Variants in DYRK2 observed in about 807,000 individuals in gnomAD.
DYRK2 encodes the protein dual specificity tyrosine-phosphorylation-regulated kinase 2.
A neutral mutation model predicts 41.6 loss-of-function variants in DYRK2; 12 were observed. That is an observed-to-expected ratio of 0.29 (90% CI 0.18 to 0.47). The LOEUF (loss-of-function observed/expected upper bound fraction) is 0.47, where lower values mean the gene tolerates loss of function less well. Ranked by LOEUF, DYRK2 falls within the 20% of genes least tolerant of loss-of-function variation. The pLI is 1.00. For missense variants in DYRK2, 678 were observed against 798.4 expected, an observed-to-expected ratio of 0.85 and a Z score of 1.82; for synonymous variants, 322 against 315.7, an observed-to-expected ratio of 1.02 and a Z score of -0.21.
intron 2 of DYRK2, among the ~76,000 whole-genome samples, chr12:67,654,051 T>TA: frequency 6.6e-6 from 1 of 152,248 alleles, no homozygotes; most frequent in Non-Finnish European, 1.5e-5. Context: ...GTAACTTTGT[T>TA]ACCTTCTTTT....
At chr12:67,653,265 C>T in intron 2 of DYRK2, among the ~76,000 whole-genome samples, 1 of 152,178 alleles carries the variant, frequency 6.6e-6, no homozygotes, top group East Asian at 1.9e-4. Flanking sequence ...GTAGTCTTGA[C>T]ATACGTATTC....
rs1471584935 is a variant in DYRK2, at chr12:67,658,946, A to G, written c.*233A>G. The G allele has an allele frequency of 1.1e-5, 5 of 438,012 alleles. No homozygotes were observed. The highest frequency in any genetic ancestry group is 1.6e-5 in the Non-Finnish European group (4 of 243,978). 27.1% of individuals were successfully genotyped at this position (438,012 alleles called of 1,614,324 possible). On this transcript the variant is annotated 3_prime_UTR_variant, in exon 3 of 3. Transcript: ENST00000344096. The surrounding 1 kb of genome is among the most constrained non-coding windows in gnomAD (Gnocchi z 4.3). ...AAACTTTTTGTGTTCTAAAAGTACA[A>G]TGAGCCTTACTGTATTTAGTGTGGC...
chr12:67,664,540 T>C lies in DYRK2; in HGVS notation c.*5827T>C, dbSNP rs1307771481. 7.7e-6 allele frequency: 1 copy of C among 130,518 alleles called. No individual in the cohort carries two copies. Among genetic ancestry groups the C allele is most frequent in the Non-Finnish European group, 1.6e-5 (1 of 61,720 alleles). The allele number at this position is 130,518 out of a possible 1,614,324, so 8.1% of individuals were successfully genotyped here. On this transcript the variant is annotated 3_prime_UTR_variant, in exon 3 of 3. Coordinates refer to ENST00000344096, the MANE Select transcript of DYRK2 (RefSeq NM_006482.3). The stretch of plus-strand genomic sequence containing the variant: ...GCTATAATTATCCTCATTTGATACT[T>C]GAGGAAACTGAAGTGACTTGCTCCA...
rs1872683976 is a variant in DYRK2, at chr12:67,663,885, T to A, written c.*5172T>A. On this transcript the variant is annotated 3_prime_UTR_variant, in exon 3 of 3. Transcript: ENST00000344096. ...AATAAATATTCTTGGAACTTCGAAGTTGTCTTCAAACTAGCTCTAGAAAAT... is the reference window on the plus strand; with the variant it reads ...AATAAATATTCTTGGAACTTCGAAGATGTCTTCAAACTAGCTCTAGAAAAT... The A allele has an allele frequency of 6.6e-6, 1 of 152,166 alleles. No homozygotes were observed. 9.4% of individuals were successfully genotyped at this position (152,166 alleles called of 1,614,324 possible). A position where few individuals can be genotyped will look rare whatever the true frequency, so the allele number is the denominator to read the frequency against.
intron 2 of DYRK2, among the ~76,000 whole-genome samples, chr12:67,653,402 CAA>C (rs926733205): frequency 1.3e-5 from 2 of 152,162 alleles, no homozygotes; most frequent in Non-Finnish European, 1.5e-5. Flanking sequence ...GTTTGAGATT[CAA>C]AGTCTTCTTT....
chr12:67,648,953 C>T lies in DYRK2; in HGVS notation c.-181C>T, dbSNP rs1230798492. On this transcript the variant is annotated 5_prime_UTR_variant, in exon 1 of 3. Coordinates refer to ENST00000344096, the MANE Select transcript of DYRK2 (RefSeq NM_006482.3). Reference sequence around the variant, plus strand: ...AGAGCGGGGGGCTCGCGGCGGCGGGCCCCGGCCGAGGGGATGCAGTGGACT... The same window carrying T: ...AGAGCGGGGGGCTCGCGGCGGCGGGTCCCGGCCGAGGGGATGCAGTGGACT... 2 of 411,508 alleles carry T rather than the reference C, an allele frequency of 4.9e-6. No homozygotes were observed. The allele number at this position is 411,508 out of a possible 1,614,324, so 25.5% of individuals were successfully genotyped here.
rs1872629879 is a variant in DYRK2, at chr12:67,661,760, G to T, written c.*3047G>T. 1 of 166,766 alleles carries T rather than the reference G, an allele frequency of 6.0e-6. No individual in the cohort carries two copies. The highest frequency in any genetic ancestry group is 1.5e-5 in the Non-Finnish European group (1 of 68,074). 10.3% of individuals were successfully genotyped at this position (166,766 alleles called of 1,614,324 possible). A position where few individuals can be genotyped will look rare whatever the true frequency, so the allele number is the denominator to read the frequency against. On this transcript the variant is annotated 3_prime_UTR_variant, in exon 3 of 3. Coordinates refer to ENST00000344096, the MANE Select transcript of DYRK2 (RefSeq NM_006482.3). The stretch of plus-strand genomic sequence containing the variant: ...TCCTATATTTAAGGGGTTAAAGATG[G>T]TCTTTGTTGTATCTTAACATCAGAC...
chr12:67,650,050 A>C (rs1424691990), intron 2 of DYRK2, 105 bp downstream of exon 2: 1 of 1,168,968 alleles, frequency 8.6e-7, no homozygotes, highest in Non-Finnish European at 1.1e-6. Flanking sequence ...AGGGGTCGAG[A>C]TACAAGCAGC....
At chr12:67,655,466 T>G (rs1489230412) in intron 2 of DYRK2, among the ~76,000 whole-genome samples, 3 of 152,228 alleles carry the variant, frequency 2.0e-5, no homozygotes, top group Non-Finnish European at 4.4e-5. Flanking sequence ...TGATTCATTT[T>G]TATGGACTGC....
chr12:67,657,420 A>G lies in DYRK2; in HGVS notation c.513A>G (p.Glu171=). 6.2e-7 allele frequency: 1 copy of G among 1,614,176 alleles called. No homozygotes were observed. Among genetic ancestry groups the G allele is most frequent in the Non-Finnish European group, 8.5e-7 (1 of 1,180,032 alleles). The change falls in exon 3 of 3, where the codon GAA becomes GAG. Residue 171 remains glutamate, a synonymous_variant. Transcript: ENST00000344096. This position sits in a 1 kb window ranked among gnomAD's most constrained non-coding sequence, Gnocchi z 4.8. ...KQYMQKLTAF[E]HHEIFSYPEI... ...ACATGCAAAAACTCACAGCCTTCGA[A>G]CACCATGAGATTTTCAGCTACCCTG...
At position 67,649,143 on chromosome 12, in the gene DYRK2, A is replaced by C; in HGVS notation, c.10A>C (p.Arg4=). 1 of 1,512,560 alleles carries C rather than the reference A, an allele frequency of 6.6e-7. No individual in the cohort carries two copies. Among genetic ancestry groups the C allele is most frequent in the South Asian group, 1.2e-5 (1 of 81,522 alleles). The allele number at this position is 1,512,560 out of a possible 1,614,324, so 93.7% of individuals were successfully genotyped here. The part of the protein sequence containing the change: MLT[R]KPSAAAPAAY... ...TTCCTCTCCAGCGGCCATGTTAACC[A>C]GGAAACCTTCGGCCGCCGCTCCCGC... Residue 4 remains arginine, a synonymous_variant, in exon 1 of 3, where the codon AGG becomes CGG. Coordinates refer to ENST00000344096, the MANE Select transcript of DYRK2 (RefSeq NM_006482.3).
rs1002942701 is a variant in DYRK2, at chr12:67,664,289, C to T, written c.*5576C>T. ...TGGGGTGGGAGCATAATTGCCATTCCCATGTGTCTCAAGGAAGCTTAATGA... is the reference window on the plus strand; with the variant it reads ...TGGGGTGGGAGCATAATTGCCATTCTCATGTGTCTCAAGGAAGCTTAATGA... On this transcript the variant is annotated 3_prime_UTR_variant, in exon 3 of 3. Coordinates refer to ENST00000344096, the MANE Select transcript of DYRK2 (RefSeq NM_006482.3). 2.0e-5 allele frequency: 3 copies of T among 151,982 alleles called. No individual in the cohort carries two copies. The allele number at this position is 151,982 out of a possible 1,614,324, so 9.4% of individuals were successfully genotyped here.
rs548186577 is a variant in DYRK2 at position 67,661,001 on chromosome 12, C to T, written c.*2288C>T. The T allele has an allele frequency of 6.0e-6, 1 of 167,006 alleles. No homozygotes were observed. Among genetic ancestry groups the T allele is most frequent in the East Asian group, 1.9e-4 (1 of 5,186 alleles). 10.3% of individuals were successfully genotyped at this position (167,006 alleles called of 1,614,324 possible). On this transcript the variant is annotated 3_prime_UTR_variant, in exon 3 of 3. Transcript: ENST00000344096. ...TTTCCCCCACCGCACAAAACTGGTT[C>T]TTAAGATGCCAGCAATGAATTTGAG... is the stretch of plus-strand genomic sequence containing the variant.
At position 67,657,899 on chromosome 12, in the gene DYRK2, C is replaced by T. The variant is rs1292029023; in HGVS notation, c.992C>T (p.Ser331Leu). 28 of 1,614,106 alleles carry T rather than the reference C, an allele frequency of 1.7e-5. No homozygotes were observed. Among genetic ancestry groups the T allele is most frequent in the Non-Finnish European group, 2.3e-5 (27 of 1,180,050 alleles). Residue 331 changes from serine (S) to leucine (L), a missense_variant, in exon 3 of 3, where the codon TCG becomes TTG. Physicochemically the swap from Ser to Leu is moderately radical, Grantham distance 145. Coordinates refer to ENST00000344096, the MANE Select transcript of DYRK2 (RefSeq NM_006482.3). This position sits in a 1 kb window ranked among gnomAD's most constrained non-coding sequence, Gnocchi z 4.8. ...CCTTTGGTTCGCAAGTTTGCCCACT[C>T]GATTCTGCAGTGCTTGGATGCTTTG... ...SLPLVRKFAHSILQCLDALHK... is the reference protein window; with the variant it reads ...SLPLVRKFAHLILQCLDALHK...
At chr12:67,653,770 T>C (rs1294769018) in intron 2 of DYRK2, among the ~76,000 whole-genome samples, 2 of 152,230 alleles carry the variant, frequency 1.3e-5, no homozygotes, top group Non-Finnish European at 2.9e-5. Flanking sequence ...AAGATATTTA[T>C]TGAGGGCTTA....
chr12:67,657,143 A>T lies in DYRK2; in HGVS notation c.236A>T (p.His79Leu), dbSNP rs1487358698. Residue 79 changes from histidine (H) to leucine (L), a missense_variant, in exon 3 of 3, where the codon CAT (histidine) becomes CTT (leucine). His to Leu is a moderately conservative substitution (Grantham distance 99). Around this residue, in one of 2 missense-constraint regions of DYRK2, gnomAD observed 285 missense variants for 279.2 expected, o/e 1.02. Transcript: ENST00000344096. The surrounding 1 kb of genome is among the most constrained non-coding windows in gnomAD (Gnocchi z 4.8). ...GSKHTMNDHL[H>L]VGSHAHGQIQ... The stretch of plus-strand genomic sequence containing the variant: ...AAGCACACAATGAATGATCACCTGC[A>T]TGTCGGCAGCCACGCTCACGGACAG... 1 of 1,583,844 alleles carries T rather than the reference A, an allele frequency of 6.3e-7. No individual in the cohort carries two copies. Among genetic ancestry groups the T allele is most frequent in the Non-Finnish European group, 8.6e-7 (1 of 1,164,886 alleles).
Position 67,657,860 on chromosome 12 carries a change from A to G in DYRK2, c.953A>G (p.Gln318Arg). 2 of 1,614,270 alleles carry G rather than the reference A, an allele frequency of 1.2e-6. No homozygotes were observed. Among genetic ancestry groups the G allele is most frequent in the Non-Finnish European group, 1.7e-6 (2 of 1,180,050 alleles). Reference protein sequence around the residue: ...LYELIKKNKFQGFSLPLVRKF... With the variant: ...LYELIKKNKFRGFSLPLVRKF... ...GAGCTCATCAAGAAGAATAAATTCC[A>G]GGGCTTCAGTCTGCCTTTGGTTCGC... is the stretch of plus-strand genomic sequence containing the variant. Residue 318 changes from glutamine to arginine, a missense_variant, in exon 3 of 3, where the codon CAG (glutamine) becomes CGG (arginine). Coordinates refer to ENST00000344096, the MANE Select transcript of DYRK2 (RefSeq NM_006482.3). The surrounding 1 kb of genome is among the most constrained non-coding windows in gnomAD (Gnocchi z 4.8).
intron 2 of DYRK2, among the ~76,000 whole-genome samples, chr12:67,652,882 T>G (rs11176821): frequency 2.0e-5 from 3 of 152,194 alleles, no homozygotes; most frequent in Non-Finnish European, 4.4e-5. Context: ...CAGGCTGGAG[T>G]GCAGTGGCTC....
In DYRK2 at chr12:67,660,186, CTGTT is replaced by C. The variant is rs926611185; in HGVS notation, c.*1476_*1479del. On this transcript the variant is annotated 3_prime_UTR_variant, in exon 3 of 3. Transcript: ENST00000344096. ...CAATTTAATATAGAAAGATTTCTGC[CTGTT>C]TGGACAATAGGTTTTGGGTAGTACA... is the stretch of plus-strand genomic sequence containing the variant. The C allele has an allele frequency of 6.0e-6, 1 of 166,768 alleles. No individual in the cohort carries two copies. Among genetic ancestry groups the C allele is most frequent in the Non-Finnish European group, 1.5e-5 (1 of 68,054 alleles). The allele number at this position is 166,768 out of a possible 1,614,324, so 10.3% of individuals were successfully genotyped here.
Sources: gnomAD v4.1 joint callset for allele counts (sites outside exome capture counted in the v4.1 genomes callset) on GRCh38, gnomAD v4.1.1 for gene constraint, gnomAD v4.1.1 regional missense constraint, Gnocchi (gnomAD v3.1) non-coding constraint, MANE v1.5 for transcripts, NCBI Gene and HGNC (gene_info 2026-07-23, HGNC 2026-07-21) for gene names.